Variants in MICU1 observed in about 807,000 individuals in gnomAD.
MICU1 encodes mitochondrial calcium uptake 1, also known as calcium uptake protein 1, mitochondrial.
In MICU1, 45 loss-of-function variants were observed where a neutral mutation model predicts 56.8. The ratio of observed to expected loss-of-function variants is 0.79; its 90% CI spans 0.62 to 1.02. MICU1 has a LOEUF of 1.02. Ranked by LOEUF, MICU1 falls within the 50% of genes least tolerant of loss-of-function variation. The probability of loss-of-function intolerance (pLI) is 0.00; values close to 1 mark genes in which losing one functional copy is unlikely to be tolerated. For missense variants in MICU1, 504 were observed against 587.1 expected (o/e 0.86, Z 1.46); for synonymous variants, 186 against 195.1 (o/e 0.95, Z 0.39).
chr10:72,604,709 A>G (rs1341711745), intron 1 of MICU1, among the ~76,000 whole-genome samples: 1 of 152,212 alleles, frequency 6.6e-6, no homozygotes. Context: ...ATCACAAATG[A>G]AAGTGCTACT....
chr10:72,558,496 T>C (rs1427485809), intron 3 of MICU1, among the ~76,000 whole-genome samples: 1 of 152,160 alleles, frequency 6.6e-6, no homozygotes, highest in African/African-American at 2.4e-5. Context: ...ATTCATTGAA[T>C]AAAACCAGAA....
intron 9 of MICU1, among the ~76,000 whole-genome samples, chr10:72,418,819 G>A (rs1303575848): frequency 6.6e-6 from 1 of 152,192 alleles, no homozygotes; most frequent in Non-Finnish European, 1.5e-5. Flanking sequence ...AGATGGACTC[G>A]TAACCTTAGG....
chr10:72,476,564 C>G (rs1005074306), intron 7 of MICU1, among the ~76,000 whole-genome samples: 1 of 152,144 alleles, frequency 6.6e-6, no homozygotes, highest in Non-Finnish European at 1.5e-5. Context: ...CTGATACTTT[C>G]TCCCACTTCC....
At chr10:72,467,238 C>T (rs1429442362) in intron 8 of MICU1, among the ~76,000 whole-genome samples, 1 of 152,114 alleles carries the variant, frequency 6.6e-6, no homozygotes, top group Non-Finnish European at 1.5e-5. Context: ...GACTGGAGTA[C>T]AATGGTGCAA....
intron 8 of MICU1, among the ~76,000 whole-genome samples, chr10:72,464,094 A>C (rs1199163943): frequency 6.6e-6 from 1 of 152,044 alleles, no homozygotes; most frequent in Non-Finnish European, 1.5e-5. Context: ...TCAGGAGTTC[A>C]AGACCAGCCT....
intron 1 of MICU1, among the ~76,000 whole-genome samples, chr10:72,614,721 A>T (rs1841936218): frequency 6.6e-6 from 1 of 152,240 alleles, no homozygotes; most frequent in Non-Finnish European, 1.5e-5. Flanking sequence ...TAGTCAAATC[A>T]TAGAGACAGA....
intron 5 of MICU1, chr10:72,531,785 A>G (rs1273148448): frequency 6.6e-6 from 1 of 152,106 alleles, no homozygotes; most frequent in Admixed American, 6.5e-5. Flanking sequence ...ACTGACAGTT[A>G]CAATTATCAA....
intron 6 of MICU1, among the ~76,000 whole-genome samples, chr10:72,487,159 T>C (rs185127742): frequency 6.6e-6 from 1 of 152,280 alleles, no homozygotes; most frequent in Non-Finnish European, 1.5e-5. Flanking sequence ...GCCCACAGTG[T>C]GGCAGACCAT....
At chr10:72,566,539 CAG>C (rs1840443337) in intron 2 of MICU1, 92 bp downstream of exon 2, 1 of 1,271,618 alleles carries the variant, frequency 7.9e-7, no homozygotes, top group Non-Finnish European at 1.1e-6. Flanking sequence ...AATTCTGATA[CAG>C]AGTTAAGCCA....
intron 4 of MICU1, among the ~76,000 whole-genome samples, chr10:72,540,391 G>T (rs1839744111): frequency 6.6e-6 from 1 of 151,980 alleles, no homozygotes; most frequent in Admixed American, 6.6e-5. Flanking sequence ...AACTGGCATG[G>T]AGCCAGATGT....
intron 6 of MICU1, among the ~76,000 whole-genome samples, chr10:72,485,498 C>G (rs949436073): frequency 5.3e-5 from 8 of 150,838 alleles, no homozygotes; most frequent in Non-Finnish European, 1.0e-4. Context: ...TATATATAAC[C>G]CTTAATCCTC....
chr10:72,440,895 A>G (rs1192337907), intron 8 of MICU1, among the ~76,000 whole-genome samples: 3 of 152,166 alleles, frequency 2.0e-5, no homozygotes, highest in Admixed American at 2.0e-4. Context: ...AAAAGTCAGG[A>G]AACAACAGAT....
intron 3 of MICU1, among the ~76,000 whole-genome samples, chr10:72,557,509 T>C (rs16929987): frequency 0.021 from 3,218 of 152,312 alleles, 51 homozygotes; most frequent in Non-Finnish European, 0.029. Flanking sequence ...ATCACTGAAA[T>C]GACACAATAA....
chr10:72,431,215 C>T (rs1037785125), intron 8 of MICU1, among the ~76,000 whole-genome samples: 1 of 152,048 alleles, frequency 6.6e-6, no homozygotes, highest in Non-Finnish European at 1.5e-5. Flanking sequence ...GCTGCAACCT[C>T]TGCCTCCCAG....
At chr10:72,604,285 T>C (rs1456990085) in intron 1 of MICU1, among the ~76,000 whole-genome samples, 1 of 151,402 alleles carries the variant, frequency 6.6e-6, no homozygotes, top group Non-Finnish European at 1.5e-5. Flanking sequence ...TTTTTTTTTT[T>C]TTTTTGAGAC....
intron 1 of MICU1, among the ~76,000 whole-genome samples, chr10:72,598,383 G>A (rs1423286273): frequency 1.2e-4 from 18 of 151,752 alleles, no homozygotes; most frequent in Non-Finnish European, 4.4e-5. Flanking sequence ...AGCCTCCCAA[G>A]TAGCTGAGAC....
intron 5 of MICU1, among the ~76,000 whole-genome samples, chr10:72,509,594 G>A (rs553584415): frequency 6.6e-6 from 1 of 152,332 alleles, no homozygotes; most frequent in Non-Finnish European, 1.5e-5. Flanking sequence ...GTCCACAGGT[G>A]AATAACAATT....
chr10:72,505,492 C>T lies in MICU1; in HGVS notation c.652+2663G>A, dbSNP rs573091963. Among the ~76,000 whole-genome samples the T allele has an allele frequency of 3.9e-5, 6 of 152,240 alleles. No individual in the cohort carries two copies. The South Asian group carries it at 6.2e-4, about 16-fold the overall frequency. On this transcript the variant is annotated intron_variant, in intron 6 of 11. Coordinates refer to ENST00000361114, the MANE Select transcript of MICU1 (RefSeq NM_001195518.2). ...ACCCAAAGGAAAATAAATCGTTCTA[C>T]CAAAAAGACACATGCACTTGTATGT...
chr10:72,409,744 A>G (rs1863745603), intron 9 of MICU1, among the ~76,000 whole-genome samples: 1 of 152,172 alleles, frequency 6.6e-6, no homozygotes, highest in South Asian at 2.1e-4. Context: ...GATCTTTTAT[A>G]ATTTTTTTCC....
Sources: gnomAD v4.1 joint callset for allele counts (sites outside exome capture counted in the v4.1 genomes callset) on GRCh38, gnomAD v4.1.1 for gene constraint, MANE v1.5 for transcripts, NCBI Gene and HGNC (gene_info 2026-07-23, HGNC 2026-07-21) for gene names.